Variants in EPHA6 observed in about 807,000 individuals in gnomAD.
The protein encoded by EPHA6 is EPH receptor A6, also known as ephrin type-A receptor 6.
In EPHA6, 50 loss-of-function variants were observed where a neutral mutation model predicts 112.0. That is an observed-to-expected ratio of 0.45 (90% CI 0.36 to 0.56). The LOEUF (loss-of-function observed/expected upper bound fraction) is 0.56, where lower values mean the gene tolerates loss of function less well. EPHA6 is among the 20% of genes least tolerant of loss of function. The pLI, the probability that EPHA6 is intolerant of heterozygous loss-of-function variation, is 0.00. For synonymous variants in EPHA6, 529 were observed against 490.7 expected, an observed-to-expected ratio of 1.08 and a Z score of -1.03; for missense variants, 1,280 against 1,417.4, an observed-to-expected ratio of 0.90 and a Z score of 1.56.
intron 12 of EPHA6, among the ~76,000 whole-genome samples, chr3:97,609,659 A>G (rs1197266353): frequency 6.6e-6 from 1 of 151,528 alleles, no homozygotes; most frequent in African/African-American, 2.4e-5. Context: ...TAGCATTTAC[A>G]TACATTGTAC....
At chr3:97,374,665 TC>T (rs2085246430) in intron 5 of EPHA6, among the ~76,000 whole-genome samples, 1 of 152,024 alleles carries the variant, frequency 6.6e-6, no homozygotes, top group Non-Finnish European at 1.5e-5. Context: ...CGCTCGCTCA[TC>T]CTTATATTAG....
At chr3:97,454,053 A>G (rs994174898) in intron 7 of EPHA6, among the ~76,000 whole-genome samples, 2 of 151,770 alleles carry the variant, frequency 1.3e-5, no homozygotes, top group Admixed American at 6.6e-5. Flanking sequence ...GATTATTTGG[A>G]TGCTTCATGA....
intron 4 of EPHA6, among the ~76,000 whole-genome samples, chr3:97,239,694 G>T (rs1382172707): frequency 6.6e-6 from 1 of 151,760 alleles, no homozygotes; most frequent in Admixed American, 6.6e-5. Flanking sequence ...AGGAGAGAAA[G>T]AAGGGCTTGT....
intron 7 of EPHA6, among the ~76,000 whole-genome samples, chr3:97,471,896 A>G (rs1490004899): frequency 6.6e-6 from 1 of 151,780 alleles, no homozygotes; most frequent in Non-Finnish European, 1.5e-5. Context: ...TCTGGAGACC[A>G]AAAGCATGCT....
chr3:96,965,691 T>C (rs760448978), intron 2 of EPHA6, among the ~76,000 whole-genome samples: 1 of 152,146 alleles, frequency 6.6e-6, no homozygotes, highest in Non-Finnish European at 1.5e-5. Context: ...TCTCTTTATA[T>C]TTTGTACTTC....
intron 1 of EPHA6, among the ~76,000 whole-genome samples, chr3:96,857,210 A>G (rs1263224008): frequency 6.6e-6 from 1 of 152,134 alleles, no homozygotes; most frequent in African/African-American, 2.4e-5. Flanking sequence ...AAATGTCTTT[A>G]TCCTTTCTTT....
rs57849876 is a variant in EPHA6 at position 97,460,540 on chromosome 3, G to A, written c.1894+11810G>A. Among the ~76,000 whole-genome samples the A allele has an allele frequency of 7.0e-3, 1,063 of 152,312 alleles. 54 individuals are homozygous for A. In the East Asian group the frequency reaches 0.12, roughly 16 times the overall value. On this transcript the variant is annotated intron_variant, in intron 7 of 17. Transcript: ENST00000389672. ...AGCAAAACATTTTATATGCAGAGATGTGGTGTGTTGCCTAGATTTCCCCTT... is the reference window on the plus strand; with the variant it reads ...AGCAAAACATTTTATATGCAGAGATATGGTGTGTTGCCTAGATTTCCCCTT...
intron 3 of EPHA6, among the ~76,000 whole-genome samples, chr3:97,176,169 T>G (rs188257986): frequency 2.0e-5 from 3 of 152,012 alleles, no homozygotes; most frequent in Non-Finnish European, 4.4e-5. Flanking sequence ...ATGATTTTTA[T>G]TTTTCATTCT....
At position 97,503,776 on chromosome 3, in the gene EPHA6, G is replaced by A. The variant is rs553450505; in HGVS notation, c.2200+19717G>A. On this transcript the variant is annotated intron_variant, in intron 10 of 17. Transcript: ENST00000389672. The stretch of plus-strand genomic sequence containing the variant: ...ATGTTAAGTATGAATTTTAAAACAT[G>A]TCCTTTTAGGAAATACTTATTTAAA... Among the ~76,000 whole-genome samples the A allele has an allele frequency of 3.9e-3, 593 of 152,220 alleles. 4 individuals are homozygous for A. Among genetic ancestry groups the A allele is most frequent in the African/African-American group, 0.013 (535 of 41,544 alleles).
chr3:96,861,040 T>G (rs1255868942), intron 1 of EPHA6, among the ~76,000 whole-genome samples: 1 of 151,980 alleles, frequency 6.6e-6, no homozygotes, highest in Non-Finnish European at 1.5e-5. Context: ...GACCTTGTGA[T>G]AGATCACATC....
intron 13 of EPHA6, among the ~76,000 whole-genome samples, chr3:97,626,489 A>G (rs2093857942): frequency 6.6e-6 from 1 of 151,766 alleles, no homozygotes; most frequent in Non-Finnish European, 1.5e-5. Flanking sequence ...CCAAAAGGGG[A>G]CTGAGGATGG....
At chr3:96,868,396 A>G (rs1395759855) in intron 2 of EPHA6, among the ~76,000 whole-genome samples, 1 of 151,956 alleles carries the variant, frequency 6.6e-6, no homozygotes, top group Non-Finnish European at 1.5e-5. Context: ...CTTGGGAAAG[A>G]GGCTACTGAA....
intron 3 of EPHA6, among the ~76,000 whole-genome samples, chr3:97,068,690 C>T (rs1450825495): frequency 6.6e-6 from 1 of 151,826 alleles, no homozygotes; most frequent in African/African-American, 2.4e-5. Context: ...ATGTTGAAAC[C>T]CTAACCCCAG....
intron 9 of EPHA6, among the ~76,000 whole-genome samples, chr3:97,482,520 T>G (rs1333852240): frequency 6.6e-6 from 1 of 152,184 alleles, no homozygotes; most frequent in African/African-American, 2.4e-5. Context: ...GCTTTTCTGG[T>G]GCTAATTTGA....
chr3:97,532,432 T>C lies in EPHA6; in HGVS notation c.2275T>C (p.Leu759=), dbSNP rs1029634436. The C allele has an allele frequency of 2.5e-6, 4 of 1,612,630 alleles. No individual in the cohort carries two copies. The highest frequency in any genetic ancestry group is 2.5e-6 in the Non-Finnish European group (3 of 1,178,978). The change falls in exon 11 of 18, where the codon TTG becomes CTG. Residue 759 remains leucine (L), a synonymous_variant. Transcript: ENST00000389672. ...KREIPVAIKT[L]KGGHMDRQRR... The stretch of plus-strand genomic sequence containing the variant: ...AGAGATCCCAGTTGCCATTAAAACT[T>C]TGAAAGGTGGCCACATGGATCGGCA...
At chr3:96,989,701 C>T (rs945698264) in intron 3 of EPHA6, among the ~76,000 whole-genome samples, 1 of 151,968 alleles carries the variant, frequency 6.6e-6, no homozygotes, top group Non-Finnish European at 1.5e-5. Flanking sequence ...AGCATGTATG[C>T]CTTACCCTGG....
chr3:97,552,799 T>C (rs558803994), intron 11 of EPHA6, among the ~76,000 whole-genome samples: 10 of 152,316 alleles, frequency 6.6e-5, no homozygotes, highest in Non-Finnish European at 1.0e-4. Context: ...ATATCTAGTT[T>C]TAAATTGTGT....
chr3:96,857,786 A>G (rs1337831273), intron 1 of EPHA6, among the ~76,000 whole-genome samples: 1 of 152,170 alleles, frequency 6.6e-6, no homozygotes, highest in Non-Finnish European at 1.5e-5. Flanking sequence ...ATTTTTAGGC[A>G]GTCAAAGATG....
At chr3:97,276,235 T>C (rs1681309864) in intron 5 of EPHA6, among the ~76,000 whole-genome samples, 2 of 152,058 alleles carry the variant, frequency 1.3e-5, no homozygotes, top group African/African-American at 4.8e-5. Context: ...GATCGGGCAG[T>C]GTCAGTCTTC....
Sources: allele counts gnomAD v4.1 joint callset (sites outside exome capture counted in the v4.1 genomes callset), GRCh38; gene constraint gnomAD v4.1.1; transcripts MANE v1.5; gene names NCBI Gene and HGNC (gene_info 2026-07-23, HGNC 2026-07-21).